NLN: variants seen among roughly 807,000 people sequenced by gnomAD.
NLN encodes neurolysin.
A neutral mutation model predicts 79.9 loss-of-function variants in NLN; 64 were observed. The observed-to-expected ratio is 0.80, with a 90% CI of 0.65 to 0.99. The LOEUF (loss-of-function observed/expected upper bound fraction) is 0.99. NLN is among the 50% of genes least tolerant of loss of function. NLN has a pLI of 0.00. For synonymous variants in NLN, 267 were observed against 296.6 expected (o/e 0.90, Z 1.02); for missense variants, 835 against 858.7 (o/e 0.97, Z 0.34).
At chr5:65,790,646 C>T in intron 8 of NLN, among the ~76,000 whole-genome samples, 1 of 152,194 alleles carries the variant, frequency 6.6e-6, no homozygotes, top group East Asian at 1.9e-4. Flanking sequence ...ATTATGAGAA[C>T]TACAATTCAA....
chr5:65,758,559 C>T lies in NLN; in HGVS notation c.42-8C>T. 1 of 1,590,444 alleles carries T rather than the reference C, an allele frequency of 6.3e-7. No individual in the cohort carries two copies. Among genetic ancestry groups the T allele is most frequent in the South Asian group, 1.1e-5 (1 of 89,854 alleles). ...CCTAATTCTTATTCTTTTTCTGATT[C>T]TTTTTAGAGTTGGTGGTTCCAGGAT... On this transcript the variant is annotated splice_region_variant and splice_polypyrimidine_tract_variant and intron_variant, in intron 1 of 12. Coordinates refer to ENST00000380985, the MANE Select transcript of NLN (RefSeq NM_020726.5).
chr5:65,722,252 G>C lies in NLN; in HGVS notation c.-122G>C. On this transcript the variant is annotated 5_prime_UTR_variant, in exon 1 of 13. Coordinates refer to ENST00000380985, the MANE Select transcript of NLN (RefSeq NM_020726.5). The stretch of plus-strand genomic sequence containing the variant: ...CACGTGGGAGGGCGCTGGCCAGGCA[G>C]CCACTGTGGCCTCTGCGGCTAGGCC... 3 of 608,360 alleles carry C rather than the reference G, an allele frequency of 4.9e-6. No homozygotes were observed. The highest frequency in any genetic ancestry group is 7.7e-6 in the Non-Finnish European group (3 of 387,850). The allele number at this position is 608,360 out of a possible 1,614,324, so 37.7% of individuals were successfully genotyped here. A position where few individuals can be genotyped will look rare whatever the true frequency, so the allele number is the denominator to read the frequency against.
intron 9 of NLN, 162 bp from the exon 10 acceptor site, chr5:65,809,353 C>T (rs959736164): frequency 3.4e-5 from 20 of 589,256 alleles, no homozygotes; most frequent in African/African-American, 3.0e-4. Flanking sequence ...TGTTCAGCTG[C>T]TGTGTTTTAT....
chr5:65,742,389 T>C (rs1758888757), intron 1 of NLN, among the ~76,000 whole-genome samples: 1 of 152,126 alleles, frequency 6.6e-6, no homozygotes, highest in Non-Finnish European at 1.5e-5. Context: ...TAATGATCAT[T>C]CTAGTTCTCA....
At chr5:65,745,145 T>C (rs990175355) in intron 1 of NLN, among the ~76,000 whole-genome samples, 1 of 152,222 alleles carries the variant, frequency 6.6e-6, no homozygotes, top group Non-Finnish European at 1.5e-5. Flanking sequence ...CTATGTGACC[T>C]GTTTTTCAGA....
At chr5:65,742,831 T>G (rs1426374342) in intron 1 of NLN, among the ~76,000 whole-genome samples, 1 of 152,198 alleles carries the variant, frequency 6.6e-6, no homozygotes, top group African/African-American at 2.4e-5. Context: ...TCTCACATAA[T>G]TACTTTTCTT....
chr5:65,755,843 T>C (rs1759205071), intron 1 of NLN, among the ~76,000 whole-genome samples: 1 of 152,162 alleles, frequency 6.6e-6, no homozygotes, highest in South Asian at 2.1e-4. Context: ...GAAAAATGTA[T>C]CTATTCTGTG....
chr5:65,782,320 G>A (rs193263716), intron 6 of NLN, among the ~76,000 whole-genome samples: 34 of 152,284 alleles, frequency 2.2e-4, no homozygotes, highest in Admixed American at 5.2e-4. Context: ...TTGCTTTAGG[G>A]ATCAAATAAT....
At chr5:65,775,978 C>T (rs1488012966) in intron 3 of NLN, among the ~76,000 whole-genome samples, 1 of 152,206 alleles carries the variant, frequency 6.6e-6, no homozygotes, top group South Asian at 2.1e-4. Context: ...GTTGGCCAGG[C>T]ATGGTCACTC....
chr5:65,759,724 G>C (rs1401349743), intron 2 of NLN, among the ~76,000 whole-genome samples: 3 of 152,074 alleles, frequency 2.0e-5, no homozygotes, highest in Non-Finnish European at 2.9e-5. Context: ...AGGGCAGTCT[G>C]CTTTACTTCA....
intron 9 of NLN, among the ~76,000 whole-genome samples, chr5:65,802,248 G>A (rs1433765184): frequency 5.3e-5 from 8 of 152,232 alleles, no homozygotes; most frequent in Non-Finnish European, 8.8e-5. Context: ...GTGCATGAGT[G>A]AGCAAGCATG....
Position 65,809,476 on chromosome 5 carries a change from T to C in NLN, c.1528-39T>C, listed in dbSNP as rs763253471. On this transcript the variant is annotated intron_variant, in intron 9 of 12. Coordinates refer to ENST00000380985, the MANE Select transcript of NLN (RefSeq NM_020726.5). ...ATTATTCATTGCATATGTACTTTCA[T>C]TGAGTTCTTTAAAAAAATTCTCTGT... The C allele has an allele frequency of 8.5e-6, 13 of 1,530,700 alleles. No homozygotes were observed. The Admixed American group carries it at 1.0e-4, about 12-fold the overall frequency. The allele number at this position is 1,530,700 out of a possible 1,614,324, so 94.8% of individuals were successfully genotyped here. A position where few individuals can be genotyped will look rare whatever the true frequency, so the allele number is the denominator to read the frequency against.
chr5:65,813,846 T>C (rs918112904), intron 12 of NLN, among the ~76,000 whole-genome samples: 2 of 151,912 alleles, frequency 1.3e-5, no homozygotes, highest in African/African-American at 4.8e-5. Context: ...GAGAGTTGCT[T>C]GAGCCTAGGA....
chr5:65,801,362 C>T (rs749221052), intron 9 of NLN, among the ~76,000 whole-genome samples: 2 of 152,158 alleles, frequency 1.3e-5, no homozygotes, highest in Non-Finnish European at 2.9e-5. Context: ...AATGGTTCAG[C>T]ACCCATGCTG....
intron 1 of NLN, among the ~76,000 whole-genome samples, chr5:65,731,166 C>T (rs1240087538): frequency 1.3e-5 from 2 of 152,202 alleles, no homozygotes; most frequent in South Asian, 2.1e-4. Context: ...ACGTCTCGTC[C>T]TCCAAGAAGC....
chr5:65,779,799 G>A (rs1334187565), intron 4 of NLN, among the ~76,000 whole-genome samples: 3 of 152,214 alleles, frequency 2.0e-5, no homozygotes, highest in African/African-American at 7.2e-5. Flanking sequence ...ATAGTGGACT[G>A]CAGAAACCTG....
intron 1 of NLN, among the ~76,000 whole-genome samples, chr5:65,736,538 A>T (rs1758731858): frequency 6.6e-6 from 1 of 152,202 alleles, no homozygotes; most frequent in South Asian, 2.1e-4. Context: ...TCCATATAGT[A>T]TTCATGAGTA....
chr5:65,728,777 G>GATGTGAAA (rs1356954472), intron 1 of NLN, among the ~76,000 whole-genome samples: 1 of 152,176 alleles, frequency 6.6e-6, no homozygotes, highest in Non-Finnish European at 1.5e-5. Context: ...TTTGTTGTCT[G>GATGTGAAA]ATGTGAAAAT....
chr5:65,774,580 A>G (rs252634), intron 3 of NLN, among the ~76,000 whole-genome samples: 86,550 of 151,466 alleles, frequency 0.57, 25,040 homozygotes, highest in South Asian at 0.61. Flanking sequence ...ACTCCTACCA[A>G]AGAACTCTGG....
Sources: allele counts gnomAD v4.1 joint callset (sites outside exome capture counted in the v4.1 genomes callset), GRCh38; gene constraint gnomAD v4.1.1; transcripts MANE v1.5; gene names NCBI Gene and HGNC (gene_info 2026-07-23, HGNC 2026-07-21).